Variants in NAV3 observed in about 807,000 individuals in gnomAD.
NAV3 encodes the protein neuron navigator 3.
A neutral mutation model predicts 244.7 loss-of-function variants in NAV3; 87 were observed. That is an observed-to-expected ratio of 0.36 (90% CI 0.30 to 0.42). The LOEUF (loss-of-function observed/expected upper bound fraction) is 0.42, where lower values mean the gene tolerates loss of function less well. Ranked by LOEUF, NAV3 falls within the 20% of genes least tolerant of loss-of-function variation. NAV3 has a pLI of 1.00. For missense variants in NAV3, 2,663 were observed against 2,893.3 expected, an observed-to-expected ratio of 0.92 and a Z score of 1.83; for synonymous variants, 1,126 against 1,042.2, an observed-to-expected ratio of 1.08 and a Z score of -1.55.
At chr12:78,120,001 A>T in intron 15 of NAV3, 56 bp downstream of exon 15, 1 of 1,286,580 alleles carries the variant, frequency 7.8e-7, no homozygotes, top group Admixed American at 2.2e-5. Flanking sequence ...TGTGTTAGAC[A>T]CATACATTAC....
At chr12:77,858,847 A>G (rs964893632) in intron 1 of NAV3, among the ~76,000 whole-genome samples, 1 of 152,088 alleles carries the variant, frequency 6.6e-6, no homozygotes, top group Non-Finnish European at 1.5e-5. Context: ...AAATCTAACA[A>G]AGTCTCATTA....
intron 5 of NAV3, among the ~76,000 whole-genome samples, chr12:77,973,718 A>C (rs1000720341): frequency 6.6e-6 from 1 of 152,102 alleles, no homozygotes; most frequent in African/African-American, 2.4e-5. Context: ...CTTTTTGGCC[A>C]AAGGTTATAA....
chr12:77,968,726 T>A (rs746515501), intron 5 of NAV3, 24 bp downstream of exon 5: 1 of 1,601,010 alleles, frequency 6.2e-7, no homozygotes, highest in Non-Finnish European at 8.5e-7. Flanking sequence ...GTAGGGAATG[T>A]GTTTCCAATT....
chr12:77,745,578 C>T (rs749330171), intron 2 of NAV3, among the ~76,000 whole-genome samples: 5 of 151,994 alleles, frequency 3.3e-5, no homozygotes, highest in African/African-American at 1.2e-4. Flanking sequence ...AATTAAGAAG[C>T]AGGACCATCT....
At position 77,753,852 on chromosome 12, in the gene NAV3, TA is replaced by T. The variant is rs1430093774; in HGVS notation, c.72+181587del. ...TTACTGAGGAAAGGATAAGTTGAAA[TA>T]CGTTCAAAAATATTGAATGAAAGAT... On this transcript the variant is annotated intron_variant, in intron 2 of 8. Coordinates refer to the NAV3 transcript ENST00000550042. Among the ~76,000 whole-genome samples, 5 of 152,198 alleles carry T rather than the reference TA, an allele frequency of 3.3e-5. 1 individual carries two copies. Among genetic ancestry groups the T allele is most frequent in the African/African-American group, 9.6e-5 (4 of 41,454 alleles).
intron 12 of NAV3, among the ~76,000 whole-genome samples, chr12:78,074,851 C>CT (rs1042757270): frequency 2.6e-4 from 40 of 152,252 alleles, no homozygotes; most frequent in Middle Eastern, 3.4e-3. Context: ...GGATCAGAAG[C>CT]TTTTTAAGAA....
intron 6 of NAV3, 100 bp downstream of exon 6, chr12:77,994,971 A>G: frequency 2.4e-6 from 2 of 823,874 alleles, no homozygotes; most frequent in Non-Finnish European, 3.8e-6. Flanking sequence ...GCACTTCTGA[A>G]TGAGAAGTTT....
chr12:77,957,671 A>AT (rs1218161991), intron 3 of NAV3, among the ~76,000 whole-genome samples: 1,949 of 149,328 alleles, frequency 0.013, 45 homozygotes, highest in African/African-American at 0.043. Context: ...AACTATCAGT[A>AT]TTTTTTTTTT....
chr12:77,900,221 C>T (rs916119041), intron 1 of NAV3, among the ~76,000 whole-genome samples: 8 of 152,004 alleles, frequency 5.3e-5, no homozygotes, highest in South Asian at 4.2e-4. Flanking sequence ...GGACTACAGG[C>T]GCCCGCCACC....
intron 9 of NAV3, among the ~76,000 whole-genome samples, chr12:78,031,458 G>GT (rs1361419436): frequency 1.1e-4 from 16 of 152,018 alleles, no homozygotes; most frequent in African/African-American, 3.4e-4. Flanking sequence ...ACCCAATCAA[G>GT]TTTGATCAGA....
At chr12:77,812,292 T>A (rs1872323360) in intron 2 of NAV3, among the ~76,000 whole-genome samples, 1 of 152,306 alleles carries the variant, frequency 6.6e-6, no homozygotes, top group African/African-American at 2.4e-5. Flanking sequence ...AATAAATAAC[T>A]TAAAAAATAG....
At chr12:78,008,249 GTTTAT>G (rs1874591441) in intron 8 of NAV3, among the ~76,000 whole-genome samples, 1 of 150,652 alleles carries the variant, frequency 6.6e-6, no homozygotes, top group South Asian at 2.1e-4. Flanking sequence ...TTTATTTATT[GTTTAT>G]TTTACTTTGC....
At chr12:77,670,094 G>T (rs1727855) in intron 2 of NAV3, among the ~76,000 whole-genome samples, 64,547 of 151,808 alleles carry the variant, frequency 0.43, 15,951 homozygotes, top group African/African-American at 0.68. Flanking sequence ...TAAGCTCAAT[G>T]GGAAACAAAA....
intron 18 of NAV3, among the ~76,000 whole-genome samples, chr12:78,129,202 T>C (rs1956057060): frequency 6.6e-6 from 1 of 152,176 alleles, no homozygotes; most frequent in African/African-American, 2.4e-5. Flanking sequence ...CTGACTTTAA[T>C]CCCAGGGGCC....
chr12:77,780,973 T>G (rs748486059), intron 2 of NAV3, among the ~76,000 whole-genome samples: 9 of 152,188 alleles, frequency 5.9e-5, no homozygotes, highest in Non-Finnish European at 8.8e-5. Context: ...CTGGCTTAAG[T>G]ATACTTCCTA....
At chr12:77,739,396 A>G (rs958676542) in intron 2 of NAV3, among the ~76,000 whole-genome samples, 2 of 150,578 alleles carry the variant, frequency 1.3e-5, no homozygotes, top group African/African-American at 5.0e-5. Context: ...TGTATAGCGC[A>G]TATCTATACT....
intron 3 of NAV3, among the ~76,000 whole-genome samples, chr12:77,951,496 T>A (rs1203083446): frequency 6.6e-6 from 1 of 152,184 alleles, no homozygotes; most frequent in African/African-American, 2.4e-5. Flanking sequence ...TCAACAATTG[T>A]GGAAGACGGT....
At chr12:77,575,411 C>G (rs1869033212) in intron 2 of NAV3, among the ~76,000 whole-genome samples, 1 of 152,034 alleles carries the variant, frequency 6.6e-6, no homozygotes, top group Non-Finnish European at 1.5e-5. Context: ...GTAGAACTTT[C>G]AGCTGGTATT....
intron 2 of NAV3, among the ~76,000 whole-genome samples, chr12:77,711,094 A>G (rs994984801): frequency 1.3e-5 from 2 of 152,210 alleles, no homozygotes; most frequent in Non-Finnish European, 2.9e-5. Flanking sequence ...GTATGTTGGA[A>G]ATAATTGCCA....
Sources: allele counts gnomAD v4.1 joint callset (sites outside exome capture counted in the v4.1 genomes callset), GRCh38; gene constraint gnomAD v4.1.1; transcripts MANE v1.5; gene names NCBI Gene and HGNC (gene_info 2026-07-23, HGNC 2026-07-21).